MAST2: variants seen among roughly 807,000 people sequenced by gnomAD.
MAST2 encodes the protein microtubule associated serine/threonine kinase 2.
A neutral mutation model predicts 147.4 loss-of-function variants in MAST2; 70 were observed. That is an observed-to-expected ratio of 0.47 (90% CI 0.39 to 0.58). MAST2 has a LOEUF of 0.58. Ranked by LOEUF, MAST2 falls within the 20% of genes least tolerant of loss-of-function variation. The pLI, the probability that MAST2 is intolerant of heterozygous loss-of-function variation, is 0.00. For synonymous variants in MAST2, 869 were observed against 896.8 expected (o/e 0.97, Z 0.55); for missense variants, 2,080 against 2,302.3 (o/e 0.90, Z 1.98).
intron 3 of MAST2, among the ~76,000 whole-genome samples, chr1:45,853,226 A>G: frequency 6.6e-6 from 1 of 152,148 alleles, no homozygotes; most frequent in Non-Finnish European, 1.5e-5. Context: ...CCCATGCCCT[A>G]AAACTATAAA....
chr1:45,879,028 T>C (rs1646727895), intron 3 of MAST2, among the ~76,000 whole-genome samples: 1 of 151,718 alleles, frequency 6.6e-6, no homozygotes, highest in African/African-American at 2.4e-5. Flanking sequence ...AATAATAAAG[T>C]TAAAGGACTG....
chr1:45,924,112 G>A (rs562313388), intron 4 of MAST2, among the ~76,000 whole-genome samples: 1 of 152,158 alleles, frequency 6.6e-6, no homozygotes, highest in Non-Finnish European at 1.5e-5. Context: ...CAAGTGACCT[G>A]CCCACTTCAG....
chr1:45,899,382 G>C (rs1297594787), intron 4 of MAST2, among the ~76,000 whole-genome samples: 1 of 145,222 alleles, frequency 6.9e-6, no homozygotes, highest in Non-Finnish European at 1.5e-5. Context: ...GTAATGCTGG[G>C]GTTTCGGCTT....
At chr1:45,913,962 G>C (rs779562374) in intron 4 of MAST2, 5 of 958,644 alleles carry the variant, frequency 5.2e-6, no homozygotes, top group Non-Finnish European at 6.5e-6. Context: ...CGTTCATTTG[G>C]ATGAAGACTG....
At chr1:45,911,381 A>G (rs1651625526) in intron 4 of MAST2, among the ~76,000 whole-genome samples, 7 of 152,178 alleles carry the variant, frequency 4.6e-5, no homozygotes, top group Admixed American at 2.0e-4. Flanking sequence ...GGCATTATTT[A>G]AGGAGCTCCG....
chr1:45,930,685 A>G (rs1655150802), intron 4 of MAST2, among the ~76,000 whole-genome samples: 1 of 152,080 alleles, frequency 6.6e-6, no homozygotes, highest in Non-Finnish European at 1.5e-5. Flanking sequence ...TAGCAGAAAT[A>G]TTTTTTTAAT....
chr1:45,879,021 A>G (rs1646727237), intron 3 of MAST2, among the ~76,000 whole-genome samples: 1 of 152,066 alleles, frequency 6.6e-6, no homozygotes, highest in South Asian at 2.1e-4. Context: ...CTTGGAAAAT[A>G]ATAAAGTTAA....
chr1:45,807,696 C>T (rs1218453076), intron 1 of MAST2, among the ~76,000 whole-genome samples: 1 of 152,088 alleles, frequency 6.6e-6, no homozygotes, highest in African/African-American at 2.4e-5. Context: ...CGTCCGCCAC[C>T]ACGCCTGGCT....
At chr1:45,943,803 A>G (rs1173696339) in intron 4 of MAST2, among the ~76,000 whole-genome samples, 2 of 152,154 alleles carry the variant, frequency 1.3e-5, no homozygotes, top group East Asian at 1.9e-4. Context: ...ATAATAATGC[A>G]CTCATGAATT....
At chr1:46,028,960 G>A (rs1233483695) in intron 18 of MAST2, 27 bp downstream of exon 18, 7 of 1,530,082 alleles carry the variant, frequency 4.6e-6, no homozygotes, top group Non-Finnish European at 6.1e-6. Flanking sequence ...TGGCCCAGTG[G>A]GGAAACAGAG....
intron 3 of MAST2, among the ~76,000 whole-genome samples, chr1:45,833,795 A>T (rs1161312039): frequency 6.6e-6 from 1 of 151,552 alleles, no homozygotes; most frequent in African/African-American, 2.4e-5. Context: ...GTAAGTTTGT[A>T]AAATAATTGT....
At chr1:45,982,998 G>T (rs1313555326) in intron 5 of MAST2, among the ~76,000 whole-genome samples, 2 of 152,212 alleles carry the variant, frequency 1.3e-5, no homozygotes, top group Non-Finnish European at 2.9e-5. Context: ...GTTGCTTGCA[G>T]TTGGTGGGAA....
At chr1:45,995,979 T>C (rs751963354) in intron 5 of MAST2, among the ~76,000 whole-genome samples, 87 of 152,068 alleles carry the variant, frequency 5.7e-4, no homozygotes, top group Non-Finnish European at 1.1e-3. Context: ...TGCAAAATGG[T>C]CCGCCATTAT....
At chr1:45,929,788 G>T (rs927861154) in intron 4 of MAST2, among the ~76,000 whole-genome samples, 1 of 152,048 alleles carries the variant, frequency 6.6e-6, no homozygotes, top group African/African-American at 2.4e-5. Context: ...ACATATGTGT[G>T]TGTAAATAGA....
At chr1:45,975,159 G>A (rs949010120) in intron 5 of MAST2, among the ~76,000 whole-genome samples, 1 of 152,154 alleles carries the variant, frequency 6.6e-6, no homozygotes, top group Admixed American at 6.5e-5. Context: ...ACAGGGGACA[G>A]TCAAGTTGCA....
chr1:45,883,160 TG>T (rs1451880184), intron 4 of MAST2, among the ~76,000 whole-genome samples: 2 of 152,216 alleles, frequency 1.3e-5, no homozygotes, highest in African/African-American at 2.4e-5. Context: ...GAAATAGAGC[TG>T]TGATAAAACA....
chr1:45,856,578 G>A (rs186887886), intron 3 of MAST2, among the ~76,000 whole-genome samples: 15 of 152,168 alleles, frequency 9.9e-5, no homozygotes, highest in Admixed American at 8.5e-4. Flanking sequence ...GTTACATGTC[G>A]TTTGGTTTGG....
At chr1:45,893,830 C>G (rs993536237) in intron 4 of MAST2, among the ~76,000 whole-genome samples, 1 of 152,136 alleles carries the variant, frequency 6.6e-6, no homozygotes, top group African/African-American at 2.4e-5. Context: ...TCATGAAATT[C>G]ATTAATAACA....
In MAST2 at chr1:46,028,748, C is replaced by T. The variant is rs1394138630; in HGVS notation, c.2053-20C>T. The T allele has an allele frequency of 2.5e-6, 4 of 1,613,664 alleles. No individual in the cohort carries two copies. In the South Asian group the frequency reaches 3.3e-5, roughly 13 times the overall value. ...CAGCAGCCTCAGGAGGCTGAGCCAG[C>T]CTGGCTTTTCTGTGCCCAGGTATGC... On this transcript the variant is annotated intron_variant, in intron 17 of 28. Coordinates refer to ENST00000361297, the MANE Select transcript of MAST2 (RefSeq NM_015112.3).
Sources: allele counts gnomAD v4.1 joint callset (sites outside exome capture counted in the v4.1 genomes callset), GRCh38; gene constraint gnomAD v4.1.1; transcripts MANE v1.5; gene names NCBI Gene and HGNC (gene_info 2026-07-23, HGNC 2026-07-21).